MYH7B: variants seen among roughly 807,000 people sequenced by gnomAD.
MYH7B encodes myosin-7B.
In MYH7B, 205 loss-of-function variants were observed where a neutral mutation model predicts 234.5. The observed-to-expected ratio is 0.87, with a 90% confidence interval of 0.78 to 0.98. MYH7B has a LOEUF of 0.98. MYH7B is among the 50% of genes least tolerant of loss of function. The pLI is 0.00. For missense variants in MYH7B, 2,652 were observed against 2,633.4 expected, an observed-to-expected ratio of 1.01 and a Z score of -0.15; for synonymous variants, 1,193 against 1,105.0, an observed-to-expected ratio of 1.08 and a Z score of -1.58.
intron 23 of MYH7B, 45 bp from the exon 24 acceptor site, chr20:34,990,959 C>A: frequency 1.3e-6 from 2 of 1,572,036 alleles, no homozygotes; most frequent in Non-Finnish European, 1.7e-6. Flanking sequence ...CTGGGGCCTG[C>A]GGGTGTGCCT....
In MYH7B at chr20:34,998,428, C is replaced by A; in HGVS notation, c.3874+7C>A. 1.2e-6 allele frequency: 2 copies of A among 1,612,942 alleles called. No individual in the cohort carries two copies. The highest frequency in any genetic ancestry group is 1.7e-6 in the Non-Finnish European group (2 of 1,179,966). On this transcript the variant is annotated splice_region_variant and intron_variant, in intron 33 of 44. Coordinates refer to ENST00000262873, the Ensembl canonical transcript of MYH7B. Reference sequence around the variant, plus strand: ...CGACTACAGACGGAAAGCGGTGAGGCTGGGGCTCAGCTGGCCACACCAGGC... The same window carrying A: ...CGACTACAGACGGAAAGCGGTGAGGATGGGGCTCAGCTGGCCACACCAGGC...
Position 34,999,696 on chromosome 20 carries a change from G to C in MYH7B, c.4665+1G>C, listed in dbSNP as rs1448107368. Reference sequence around the variant, plus strand: ...CCAGGCTGCACTGGAGGAGGCAGAGGTCAGGGGCTGGCTGCAGGGGTGGGT... The same window carrying C: ...CCAGGCTGCACTGGAGGAGGCAGAGCTCAGGGGCTGGCTGCAGGGGTGGGT... On this transcript the variant is annotated splice_donor_variant, in intron 37 of 44. Coordinates refer to ENST00000262873, the Ensembl canonical transcript of MYH7B. LOFTEE classifies it high-confidence loss of function. The C allele has an allele frequency of 6.2e-7, 1 of 1,613,190 alleles. No individual in the cohort carries two copies. The highest frequency in any genetic ancestry group is 1.1e-5 in the South Asian group (1 of 90,950).
At chr20:34,957,010 C>T (rs1428626521) in intron 1 of MYH7B, among the ~76,000 whole-genome samples, 5 of 152,196 alleles carry the variant, frequency 3.3e-5, no homozygotes, top group Non-Finnish European at 5.9e-5. Flanking sequence ...GCTGAGATCA[C>T]GCTGCAGCAC....
rs143930555 is a variant in MYH7B, at chr20:34,992,695, G to A, written c.2184-407G>A. Among the ~76,000 whole-genome samples, 1,155 of 150,828 alleles carry A rather than the reference G, an allele frequency of 7.7e-3. 13 individuals are homozygous for A. The highest frequency in any genetic ancestry group is 0.024 in the African/African-American group (991 of 41,156). On this transcript the variant is annotated intron_variant, in intron 24 of 44. Transcript: ENST00000262873. ...TGCAATTCTTCTGCCTCAGCCTCCCGAGTAGCTGGGATTACAGGCGCCCGC... is the reference window on the plus strand; with the variant it reads ...TGCAATTCTTCTGCCTCAGCCTCCCAAGTAGCTGGGATTACAGGCGCCCGC...
intron 2 of MYH7B, among the ~76,000 whole-genome samples, chr20:34,964,176 C>A (rs1438780830): frequency 1.3e-5 from 2 of 152,188 alleles, no homozygotes; most frequent in East Asian, 3.9e-4. Flanking sequence ...ATGTGCACTC[C>A]TGCCAGCAGT....
chr20:34,982,641 T>G, intron 10 of MYH7B, 86 bp downstream of exon 10: 2 of 1,179,784 alleles, frequency 1.7e-6, no homozygotes, highest in South Asian at 3.2e-5. Context: ...TTTTCCCCCT[T>G]TTTAAAAATT....
chr20:35,001,231 C>T lies in MYH7B; in HGVS notation c.5476-14C>T, dbSNP rs2082373085. ...AGGGGTGGGCTTGGCATCAGGCTGT[C>T]CCCCTGCCTGCAGGTACGGGAGCTG... is the stretch of plus-strand genomic sequence containing the variant. On this transcript the variant is annotated splice_polypyrimidine_tract_variant and intron_variant, in intron 41 of 44. Coordinates refer to ENST00000262873, the Ensembl canonical transcript of MYH7B. 6.2e-7 allele frequency: 1 copy of T among 1,607,604 alleles called. No homozygotes were observed. The highest frequency in any genetic ancestry group is 1.7e-5 in the Admixed American group (1 of 59,396).
Position 35,001,541 on chromosome 20 carries a change from GCCTGGACA to G in MYH7B, c.5676+23_5676+30del. ...TTGAGGAGGCGGTGAGTGCGCTGGG[GCCTGGACA>G]CCTGGACCGGGCACCCCAGCTCTGC... On this transcript the variant is annotated intron_variant, in intron 43 of 44. Coordinates refer to ENST00000262873, the Ensembl canonical transcript of MYH7B. The G allele has an allele frequency of 6.3e-7, 1 of 1,590,664 alleles. No homozygotes were observed. Among genetic ancestry groups the G allele is most frequent in the Non-Finnish European group, 8.6e-7 (1 of 1,168,790 alleles).
Position 34,993,100 on chromosome 20 carries a change from A to T in MYH7B, c.2184-2A>T. On this transcript the variant is annotated splice_acceptor_variant, in intron 24 of 44. Transcript: ENST00000262873. LOFTEE classifies it high-confidence loss of function. ...CTGACCAGCTCTGCCCTCCTTTCCC[A>T]GGTACCGTATCCTGAACCCCAGTGC... The T allele has an allele frequency of 6.2e-7, 1 of 1,610,830 alleles. No individual in the cohort carries two copies. Among genetic ancestry groups the T allele is most frequent in the South Asian group, 1.1e-5 (1 of 90,998 alleles).
chr20:34,990,254 G>C, exon 22 of MYH7B: 1 of 1,614,198 alleles, frequency 6.2e-7, no homozygotes, highest in Non-Finnish European at 8.5e-7. Context: ...CAAGTCTGGG[G>C]TGAAAGAGAA....
exon 33 of MYH7B, chr20:34,998,357 G>C: frequency 6.2e-6 from 10 of 1,613,972 alleles, no homozygotes; most frequent in Non-Finnish European, 8.5e-6. Flanking sequence ...AGATCAAGGT[G>C]GAGGAGCTGC....
chr20:34,987,503 C>A, intron 16 of MYH7B, 54 bp from the exon 17 acceptor site: 3 of 1,498,038 alleles, frequency 2.0e-6, no homozygotes, highest in Non-Finnish European at 1.8e-6. Flanking sequence ...GCAGTAGAGC[C>A]CCTGAGTGCG....
intron 10 of MYH7B, among the ~76,000 whole-genome samples, 188 bp downstream of exon 10, chr20:34,982,743 C>A (rs957839895): frequency 2.6e-5 from 4 of 152,144 alleles, no homozygotes; most frequent in Non-Finnish European, 4.4e-5. Context: ...GCTGTGGCCA[C>A]CTGACGCGCC....
In MYH7B at chr20:34,995,410, G is replaced by A. The variant is rs1212932659; in HGVS notation, c.2775G>A (p.Lys925=). The A allele has an allele frequency of 1.9e-6, 3 of 1,613,902 alleles. No homozygotes were observed. Among genetic ancestry groups the A allele is most frequent in the East Asian group, 4.5e-5 (2 of 44,876 alleles). The change falls in exon 28 of 45, where the codon AAG becomes AAA. Residue 925 remains lysine (K), a synonymous_variant. Coordinates refer to ENST00000262873, the Ensembl canonical transcript of MYH7B. ...AGTCCAAGGTGCAGCTGGAGGGGAA[G>A]GTGAAGGAGCTGAGTGAGCGGCTGG... is the stretch of plus-strand genomic sequence containing the variant.
At chr20:34,977,645 G>T in exon 4 of MYH7B, 1 of 1,580,204 alleles carries the variant, frequency 6.3e-7, no homozygotes. Flanking sequence ...CAATAAAAGG[G>T]GTAGCAGAGC....
chr20:34,969,904 T>C (rs918040325), intron 2 of MYH7B, among the ~76,000 whole-genome samples: 7 of 152,108 alleles, frequency 4.6e-5, no homozygotes, highest in African/African-American at 1.7e-4. Flanking sequence ...AATGACATAT[T>C]GAGTCTCCAC....
At chr20:34,979,862 A>G in intron 7 of MYH7B, 58 bp downstream of exon 7, 6 of 1,554,846 alleles carry the variant, frequency 3.9e-6, no homozygotes, top group Non-Finnish European at 5.2e-6. Context: ...GCGGGGCTAG[A>G]GATGAGGTGC....
chr20:34,990,493 A>G (rs894248886), intron 22 of MYH7B, 183 bp downstream of exon 22: 24 of 898,372 alleles, frequency 2.7e-5, no homozygotes, highest in Admixed American at 2.5e-4. Flanking sequence ...CTGCCTGGGC[A>G]GGGTTTGTGG....
chr20:34,998,523 G>A lies in MYH7B; in HGVS notation c.3887G>A (p.Arg1296His), dbSNP rs767602083. Residue 1296 changes from arginine (R) to histidine (H), a missense_variant, in exon 34 of 45, where the codon CGC becomes CAC. This residue lies in a region of MYH7B where 2,279 missense variants were observed against 2,211.4 expected (regional missense o/e 1.03). Transcript: ENST00000262873. ...TCTTTGCCTGCAGGGGAGCTGAGTC[G>A]CCTGCTAGAGGAGAAGGAGTGTCTG... is the stretch of plus-strand genomic sequence containing the variant. 3.7e-5 allele frequency: 60 copies of A among 1,613,448 alleles called. No individual in the cohort carries two copies. The highest frequency in any genetic ancestry group is 5.0e-5 in the Admixed American group (3 of 60,016).
Sources: allele counts gnomAD v4.1 joint callset (sites outside exome capture counted in the v4.1 genomes callset), GRCh38; gene constraint gnomAD v4.1.1; regional missense constraint gnomAD v4.1.1; transcripts MANE v1.5; gene names NCBI Gene and HGNC (gene_info 2026-07-23, HGNC 2026-07-21).